Variants in INTS7 observed in about 807,000 individuals in gnomAD.
INTS7 encodes chromosome 1 open reading frame 73.
INTS7 carries 46 observed loss-of-function variants against 109.2 expected under a neutral mutation model. The ratio of observed to expected loss-of-function variants is 0.42; its 90% confidence interval spans 0.33 to 0.54. The LOEUF is 0.54. Ranked by LOEUF, INTS7 falls within the 20% of genes least tolerant of loss-of-function variation. INTS7 has a pLI of 0.07. For synonymous variants in INTS7, 412 were observed against 402.9 expected, an observed-to-expected ratio of 1.02 and a Z score of -0.27; for missense variants, 929 against 1,132.4, an observed-to-expected ratio of 0.82 and a Z score of 2.58.
chr1:211,950,857 A>G (rs1054666305), intron 17 of INTS7, among the ~76,000 whole-genome samples: 3 of 152,198 alleles, frequency 2.0e-5, no homozygotes, highest in Admixed American at 6.5e-5. Flanking sequence ...AAGTTTGTTT[A>G]GCATCTATTT....
At chr1:211,955,709 T>C (rs1241881485) in intron 16 of INTS7, among the ~76,000 whole-genome samples, 1 of 152,234 alleles carries the variant, frequency 6.6e-6, no homozygotes, top group Non-Finnish European at 1.5e-5. Flanking sequence ...ATTTTACATA[T>C]ATTAGTTCAT....
intron 4 of INTS7, among the ~76,000 whole-genome samples, chr1:212,016,104 A>G (rs115456183): frequency 0.011 from 1,686 of 152,284 alleles, 31 homozygotes; most frequent in African/African-American, 0.038. Flanking sequence ...TCTAAGCTCA[A>G]TGGAAGAAAT....
At chr1:212,011,245 C>A in intron 5 of INTS7, 130 bp downstream of exon 5, 1 of 597,476 alleles carries the variant, frequency 1.7e-6, no homozygotes, top group Non-Finnish European at 3.0e-6. Context: ...ACAGTTTGGG[C>A]AAATAGAAGA....
At chr1:212,012,164 A>G (rs1302371410) in intron 4 of INTS7, among the ~76,000 whole-genome samples, 3 of 151,800 alleles carry the variant, frequency 2.0e-5, no homozygotes, top group African/African-American at 7.3e-5. Flanking sequence ...CTCACTGACA[A>G]TGTTCACCTG....
chr1:212,020,059 C>A lies in INTS7; in HGVS notation c.371+63G>T, dbSNP rs1475251697. The A allele has an allele frequency of 5.1e-6, 6 of 1,170,414 alleles. No individual in the cohort carries two copies. The East Asian group carries it at 1.6e-4, about 32-fold the overall frequency. 72.5% of individuals were successfully genotyped at this position (1,170,414 alleles called of 1,614,324 possible). ...AAAATGAAAAATGTAAATACACTGC[C>A]TTTTTTGTACATAATTACAGTTCAA... On this transcript the variant is annotated intron_variant, in intron 3 of 19. Transcript: ENST00000366994.
chr1:211,983,528 G>C (rs185410328), intron 8 of INTS7, among the ~76,000 whole-genome samples: 14 of 152,288 alleles, frequency 9.2e-5, no homozygotes, highest in African/African-American at 3.1e-4. Context: ...ATTTACAGTA[G>C]AGAAGCCCTC....
chr1:211,975,255 T>C lies in INTS7; in HGVS notation c.1726A>G (p.Thr576Ala). The part of the protein sequence containing the change: ...KEFSHAEQCL[T>A]GLQEENYSSA... ...CTATAATTTTCCTCTTGCAACCCAG[T>C]GAGACACTGTTCTGCATGTGAAAAC... Residue 576 changes from threonine (T) to alanine (A), a missense_variant, in exon 13 of 20, where the codon ACT becomes GCT. Physicochemically the swap from Thr to Ala is moderately conservative, Grantham distance 58. Transcript: ENST00000366994. 1 of 1,612,662 alleles carries C rather than the reference T, an allele frequency of 6.2e-7. No homozygotes were observed. Among genetic ancestry groups the C allele is most frequent in the South Asian group, 1.1e-5 (1 of 91,064 alleles).
rs1427862325 is a variant in INTS7 at position 211,968,649 on chromosome 1, A to G, written c.1874T>C (p.Ile625Thr). 2 of 1,613,962 alleles carry G rather than the reference A, an allele frequency of 1.2e-6. No individual in the cohort carries two copies. The highest frequency in any genetic ancestry group is 1.3e-5 in the African/African-American group (1 of 75,004). Residue 625 changes from isoleucine to threonine, a missense_variant, in exon 14 of 20, where the codon ATT (isoleucine) becomes ACT (threonine). By Grantham distance (89) the Ile-to-Thr change is moderately conservative. Around this residue, in one of 2 missense-constraint regions of INTS7, gnomAD observed 787 missense variants for 901.1 expected, o/e 0.87. Transcript: ENST00000366994. ...SFQCEFVKLR[I>T]DLLQAFSQLI... ...TTGAGAGAAGGCTTGTAAAAGGTCA[A>G]TCCTGAGTTTTACAAATTCACACTG...
In INTS7 at chr1:211,949,529, C is replaced by T. The variant is rs138821258; in HGVS notation, c.2317-2824G>A. Among the ~76,000 whole-genome samples, 3 of 152,280 alleles carry T rather than the reference C, an allele frequency of 2.0e-5. No homozygotes were observed. In the East Asian group the frequency reaches 5.8e-4, roughly 29 times the overall value. On this transcript the variant is annotated intron_variant, in intron 17 of 19. Transcript: ENST00000366994. ...GAAAATATTTTCACTAAATATCTCTCATATATATCTATTTTTCTCATTCCT... is the reference window on the plus strand; with the variant it reads ...GAAAATATTTTCACTAAATATCTCTTATATATATCTATTTTTCTCATTCCT...
chr1:211,976,533 T>A (rs1231350127), intron 12 of INTS7, 49 bp downstream of exon 12: 1 of 1,532,676 alleles, frequency 6.5e-7, no homozygotes, highest in Non-Finnish European at 8.9e-7. Flanking sequence ...TGAAGATACA[T>A]GATCTGACAT....
At chr1:211,966,547 T>C (rs1380273666) in intron 15 of INTS7, 49 bp from the exon 16 acceptor site, 4 of 1,105,656 alleles carry the variant, frequency 3.6e-6, no homozygotes, top group Middle Eastern at 2.0e-4. Flanking sequence ...AAACCCGCTA[T>C]AGGTTTCTAT....
Position 212,035,512 on chromosome 1 carries a change from C to T in INTS7, c.-75G>A, listed in dbSNP as rs1553255340. On this transcript the variant is annotated 5_prime_UTR_variant, in exon 1 of 20. Coordinates refer to ENST00000366994, the MANE Select transcript of INTS7 (RefSeq NM_015434.4). ...CCCCAGGACCGCCATCTTCCCCCGCCGCCTTCTTGCTGGTTTTTCTTCCGC... is the reference window on the plus strand; with the variant it reads ...CCCCAGGACCGCCATCTTCCCCCGCTGCCTTCTTGCTGGTTTTTCTTCCGC... 1.8e-6 allele frequency: 2 copies of T among 1,119,582 alleles called. No homozygotes were observed. Among genetic ancestry groups the T allele is most frequent in the African/African-American group, 1.5e-5 (1 of 65,640 alleles). The allele number at this position is 1,119,582 out of a possible 1,614,324, so 69.4% of individuals were successfully genotyped here.
chr1:211,980,775 G>A (rs1046053073), intron 10 of INTS7, among the ~76,000 whole-genome samples: 1 of 152,100 alleles, frequency 6.6e-6, no homozygotes, highest in Non-Finnish European at 1.5e-5. Flanking sequence ...ATATCTCTAA[G>A]ATGATTTCTG....
intron 16 of INTS7, among the ~76,000 whole-genome samples, chr1:211,963,928 G>A (rs552791167): frequency 4.1e-4 from 62 of 151,992 alleles, no homozygotes; most frequent in African/African-American, 1.3e-3. Flanking sequence ...CCTGAAAACC[G>A]GCATAACAAA....
At chr1:211,945,074 G>A (rs1199923981) in intron 18 of INTS7, 105 bp from the exon 19 acceptor site, 1 of 1,031,838 alleles carries the variant, frequency 9.7e-7, no homozygotes, top group East Asian at 2.5e-5. Flanking sequence ...ATTCGATTGT[G>A]CACTCCCCCA....
At chr1:212,002,979 T>C (rs1383006045) in intron 7 of INTS7, among the ~76,000 whole-genome samples, 2 of 152,064 alleles carry the variant, frequency 1.3e-5, no homozygotes, top group Admixed American at 1.3e-4. Flanking sequence ...GAAAAAATAA[T>C]TATTGAACTA....
chr1:211,956,174 A>G (rs1663353349), intron 16 of INTS7, among the ~76,000 whole-genome samples: 1 of 152,202 alleles, frequency 6.6e-6, no homozygotes, highest in Admixed American at 6.5e-5. Context: ...TTCTTTTCCC[A>G]TACAATTATT....
intron 12 of INTS7, 124 bp downstream of exon 12, chr1:211,976,458 A>G: frequency 1.2e-6 from 1 of 815,728 alleles, no homozygotes; most frequent in Non-Finnish European, 1.9e-6. Flanking sequence ...CATCTTCAGA[A>G]CCCATGACTA....
chr1:211,952,578 A>C lies in INTS7; in HGVS notation c.2307T>G (p.Val769=). ...AACAAATGCCACTTGCCATATAAGA[A>C]ACAGGGGTATATTTCCGATTGAGTG... The part of the protein sequence containing the change: ...VESLNRKYTP[V]SYMHTACLCN... The change falls in exon 17 of 20, where the codon GTT becomes GTG. Residue 769 remains valine (V), a synonymous_variant. Transcript: ENST00000366994. 6.2e-7 allele frequency: 1 copy of C among 1,612,346 alleles called. No homozygotes were observed. The highest frequency in any genetic ancestry group is 8.5e-7 in the Non-Finnish European group (1 of 1,179,502).
Sources: allele counts gnomAD v4.1 joint callset (sites outside exome capture counted in the v4.1 genomes callset), GRCh38; gene constraint gnomAD v4.1.1; regional missense constraint gnomAD v4.1.1; transcripts MANE v1.5; gene names NCBI Gene and HGNC (gene_info 2026-07-23, HGNC 2026-07-21).